Variants in ITGA2 observed in about 807,000 individuals in gnomAD.
ITGA2 encodes the protein integrin alpha-2.
In ITGA2, 101 loss-of-function variants were observed where a neutral mutation model predicts 146.3. That is an observed-to-expected ratio of 0.69 (90% CI 0.59 to 0.81). ITGA2 has a LOEUF of 0.81. ITGA2 is among the 40% of genes least tolerant of loss of function. The pLI, the probability that ITGA2 is intolerant of heterozygous loss-of-function variation, is 0.00. For missense variants in ITGA2, 1,281 were observed against 1,402.7 expected (o/e 0.91, Z 1.39); for synonymous variants, 477 against 487.1 (o/e 0.98, Z 0.27).
chr5:52,997,263 A>G (rs191140683), intron 1 of ITGA2, among the ~76,000 whole-genome samples: 35 of 152,280 alleles, frequency 2.3e-4, no homozygotes, highest in Non-Finnish European at 1.5e-5. Context: ...AAACTTTGCA[A>G]TTCTGTCAGC....
Position 53,072,023 on chromosome 5 carries a change from A to G in ITGA2, c.2321A>G (p.Tyr774Cys). Residue 774 changes from tyrosine (Y) to cysteine (C), a missense_variant, in exon 18 of 30, where the codon TAT (tyrosine) becomes TGT (cysteine). Coordinates refer to ENST00000296585, the MANE Select transcript of ITGA2 (RefSeq NM_002203.4). Reference sequence around the variant, plus strand: ...GGCACTAGCCCTGCCCTTGAAGCCTATTCTGAGACTGCCAAGGTCTTCAGT... The same window carrying G: ...GGCACTAGCCCTGCCCTTGAAGCCTGTTCTGAGACTGCCAAGGTCTTCAGT... ...NPGTSPALEA[Y>C]SETAKVFSIP... is the part of the protein sequence containing the mutation. The G allele has an allele frequency of 6.2e-7, 1 of 1,611,818 alleles. No individual in the cohort carries two copies. Among genetic ancestry groups the G allele is most frequent in the South Asian group, 1.1e-5 (1 of 91,046 alleles).
rs755970312 is a variant in ITGA2, at chr5:53,078,856, A to C, written c.2910A>C (p.Lys970Asn). 2.5e-6 allele frequency: 4 copies of C among 1,602,580 alleles called. No individual in the cohort carries two copies. The African/African-American group carries it at 5.4e-5, about 21-fold the overall frequency. The stretch of plus-strand genomic sequence containing the variant: ...ACAGTTTTGAAGATGTTGGTCCAAA[A>C]TTCATCTTCTCCCTGAAGGTTGGTA... ...IVHSFEDVGP[K>N]FIFSLKVTTG... is the part of the protein sequence containing the mutation. Residue 970 changes from lysine to asparagine, a missense_variant, in exon 24 of 30, where the codon AAA becomes AAC. Physicochemically the swap from Lys to Asn is moderately conservative, Grantham distance 94 (BLOSUM62 0). Around this residue, in one of 3 missense-constraint regions of ITGA2, gnomAD observed 475 missense variants for 530.5 expected, o/e 0.90. Transcript: ENST00000296585.
intron 1 of ITGA2, among the ~76,000 whole-genome samples, chr5:52,997,883 A>T (rs538945784): frequency 2.0e-5 from 3 of 152,166 alleles, no homozygotes; most frequent in Non-Finnish European, 2.9e-5. Context: ...TTAGTGTTCT[A>T]TGGTGGAAGA....
At chr5:53,088,079 G>T (rs1051923390) in intron 28 of ITGA2, among the ~76,000 whole-genome samples, 9 of 152,172 alleles carry the variant, frequency 5.9e-5, no homozygotes, top group Non-Finnish European at 1.0e-4. Flanking sequence ...AGACACTGGG[G>T]CCTGGAAAAT....
intron 23 of ITGA2, among the ~76,000 whole-genome samples, chr5:53,078,166 T>C (rs1293713361): frequency 6.6e-6 from 1 of 152,100 alleles, no homozygotes; most frequent in African/African-American, 2.4e-5. Flanking sequence ...TCCAGAATAC[T>C]AAAACCTCTG....
At chr5:53,047,148 T>C (rs550049459) in intron 4 of ITGA2, among the ~76,000 whole-genome samples, 1 of 152,348 alleles carries the variant, frequency 6.6e-6, no homozygotes, top group East Asian at 1.9e-4. Context: ...GCTTCCCCTT[T>C]GACAGTTAAA....
intron 28 of ITGA2, among the ~76,000 whole-genome samples, 167 bp from the exon 29 acceptor site, chr5:53,089,779 T>G (rs1292903905): frequency 6.6e-6 from 1 of 152,238 alleles, no homozygotes; most frequent in Non-Finnish European, 1.5e-5. Flanking sequence ...GCAGGAAGAT[T>G]TTCTCTAAAA....
At chr5:53,028,606 C>A (rs1227907898) in intron 2 of ITGA2, among the ~76,000 whole-genome samples, 2 of 152,032 alleles carry the variant, frequency 1.3e-5, no homozygotes, top group Non-Finnish European at 2.9e-5. Context: ...AATATTCAGC[C>A]CTAATTTTTT....
chr5:52,990,992 C>A (rs1403576365), intron 1 of ITGA2, among the ~76,000 whole-genome samples: 1 of 152,118 alleles, frequency 6.6e-6, no homozygotes, highest in Non-Finnish European at 1.5e-5. Context: ...AACATAACAT[C>A]ATTTTCTTAT....
At chr5:52,998,162 T>G (rs1741371929) in intron 1 of ITGA2, among the ~76,000 whole-genome samples, 1 of 152,152 alleles carries the variant, frequency 6.6e-6, no homozygotes, top group Non-Finnish European at 1.5e-5. Context: ...GCTATCACCT[T>G]AACTCTTTTT....
At position 53,070,126 on chromosome 5, in the gene ITGA2, A is replaced by G; in HGVS notation, c.2101A>G (p.Thr701Ala). The change falls in exon 17 of 30, where the codon ACA becomes GCA. Residue 701 changes from threonine (T) to alanine (A), a missense_variant. Transcript: ENST00000296585. ...NNQVAIVYNI[T>A]LDADGFSSRV... ...TATCATAGCCATTGTATATAACATCACACTTGATGCAGATGGATTTTCATC... is the reference window on the plus strand; with the variant it reads ...TATCATAGCCATTGTATATAACATCGCACTTGATGCAGATGGATTTTCATC... 1 of 1,611,026 alleles carries G rather than the reference A, an allele frequency of 6.2e-7. No homozygotes were observed.
intron 16 of ITGA2, 92 bp downstream of exon 16, chr5:53,067,349 A>G: frequency 7.1e-7 from 1 of 1,404,860 alleles, no homozygotes; most frequent in East Asian, 2.4e-5. Flanking sequence ...AGGCCAAGAG[A>G]AATAAGGGTT....
chr5:53,028,062 CTGAG>C (rs1372492689), intron 2 of ITGA2, among the ~76,000 whole-genome samples: 2 of 151,724 alleles, frequency 1.3e-5, no homozygotes, highest in African/African-American at 4.8e-5. Flanking sequence ...GCCTGAGTGA[CTGAG>C]TAAGATCCTG....
rs1161801280 is a variant in ITGA2, at chr5:53,055,631, G to T, written c.873G>T (p.Met291Ile). The change falls in exon 8 of 30, where the codon ATG becomes ATT. Residue 291 changes from methionine (M) to isoleucine (I), a missense_variant. Met to Ile is a conservative substitution (Grantham distance 10). This residue lies in a region of ITGA2 where 795 missense variants were observed against 841.7 expected (regional missense o/e 0.94). Transcript: ENST00000296585. ...VTDGESHDGS[M>I]LKAVIDQCNH... ...ACGGTGAATCACATGATGGTTCAAT[G>T]TTGAAAGCTGTGATTGATCAATGCA... 20 of 1,613,362 alleles carry T rather than the reference G, an allele frequency of 1.2e-5. No individual in the cohort carries two copies. Among genetic ancestry groups the T allele is most frequent in the Non-Finnish European group, 1.7e-5 (20 of 1,179,490 alleles).
At position 53,080,603 on chromosome 5, in the gene ITGA2, T is replaced by G. The variant is rs55980302; in HGVS notation, c.3021T>G (p.Thr1007=). The G allele has an allele frequency of 2.0e-3, 3,157 of 1,612,866 alleles. 6 individuals carry two copies. Among genetic ancestry groups the G allele is most frequent in the Non-Finnish European group, 2.5e-3 (2,910 of 1,179,040 alleles). Residue 1007 remains threonine, a synonymous_variant, in exon 25 of 30, where the codon ACT becomes ACG. Transcript: ENST00000296585. ...AAAAGAACCCACTGATGTACCTAAC[T>G]GGGGTGCAAACAGACAAGGTAAAGA... ...TKEKNPLMYL[T]GVQTDKAGDI...
chr5:53,080,621 G>A lies in ITGA2; in HGVS notation c.3039G>A (p.Lys1013=). ...ACCTAACTGGGGTGCAAACAGACAA[G>A]GTAAAGATTAAAAAATTGCCTAAAA... ...LMYLTGVQTD[K]AGDISCNADI... The change falls in exon 25 of 30, where the codon AAG becomes AAA. Residue 1013 remains lysine (K), a splice_region_variant and synonymous_variant. Coordinates refer to ENST00000296585, the MANE Select transcript of ITGA2 (RefSeq NM_002203.4). 1 of 1,607,084 alleles carries A rather than the reference G, an allele frequency of 6.2e-7. No individual in the cohort carries two copies. Among genetic ancestry groups the A allele is most frequent in the Admixed American group, 1.7e-5 (1 of 59,942 alleles).
intron 3 of ITGA2, 89 bp from the exon 4 acceptor site, chr5:53,044,912 G>GC (rs1744001028): frequency 1.1e-6 from 1 of 884,458 alleles, no homozygotes; most frequent in East Asian, 2.6e-5. Context: ...AATGCTACAT[G>GC]CAAACATGGG....
At chr5:53,040,159 G>A (rs1743717162) in intron 2 of ITGA2, among the ~76,000 whole-genome samples, 1 of 152,174 alleles carries the variant, frequency 6.6e-6, no homozygotes, top group Non-Finnish European at 1.5e-5. Flanking sequence ...AGAAGCAACA[G>A]AGACTCTAAT....
intron 1 of ITGA2, among the ~76,000 whole-genome samples, chr5:53,017,762 G>C (rs1260815612): frequency 1.3e-5 from 2 of 152,152 alleles, no homozygotes; most frequent in African/African-American, 4.8e-5. Flanking sequence ...ACATCAGCTG[G>C]GGGTATGGTA....
Sources: allele counts gnomAD v4.1 joint callset (sites outside exome capture counted in the v4.1 genomes callset), GRCh38; gene constraint gnomAD v4.1.1; regional missense constraint gnomAD v4.1.1; transcripts MANE v1.5; gene names NCBI Gene and HGNC (gene_info 2026-07-23, HGNC 2026-07-21).